The following PIF1 variants were observed in gnomAD, a reference collection of about 807,000 sequenced individuals.
PIF1 encodes the protein ATP-dependent DNA helicase PIF1.
Under a neutral mutation model 62.3 loss-of-function variants are expected in PIF1, and 67 were observed. The observed-to-expected ratio is 1.08, with a 90% CI of 0.88 to 1.32. PIF1 has a LOEUF of 1.32. PIF1 is among the 40% of genes most tolerant of loss of function. The pLI, the probability that PIF1 is intolerant of heterozygous loss-of-function variation, is 0.00. For missense variants in PIF1, 886 were observed against 866.1 expected, an observed-to-expected ratio of 1.02 and a Z score of -0.29; for synonymous variants, 364 against 379.5, an observed-to-expected ratio of 0.96 and a Z score of 0.47.
chr15:64,825,871 G>A (rs946543751), upstream of PIF1, among the ~76,000 whole-genome samples: 4 of 152,114 alleles, frequency 2.6e-5, no homozygotes, highest in South Asian at 2.1e-4. Context: ...GTGGTGGGAG[G>A]AGGCCGCCGC....
At chr15:64,817,396 A>AG (rs1180323142) in intron 11 of PIF1, among the ~76,000 whole-genome samples, 1 of 152,006 alleles carries the variant, frequency 6.6e-6, no homozygotes, top group Non-Finnish European at 1.5e-5. Flanking sequence ...AATACAAAAA[A>AG]TTAGCCAGGC....
upstream of PIF1, among the ~76,000 whole-genome samples, chr15:64,826,707 C>T (rs1205660848): frequency 2.1e-5 from 3 of 139,946 alleles, no homozygotes; most frequent in East Asian, 6.2e-4. Flanking sequence ...TATATACACA[C>T]ACATATATAT....
Position 64,820,165 on chromosome 15 carries a change from A to C in PIF1, c.1194-179T>G, listed in dbSNP as rs114884331. 817 of 699,322 alleles carry C rather than the reference A, an allele frequency of 1.2e-3. 5 individuals carry two copies. In the African/African-American group the frequency reaches 0.014, roughly 12 times the overall value. 43.3% of individuals were successfully genotyped at this position (699,322 alleles called of 1,614,324 possible). On this transcript the variant is annotated intron_variant, in intron 7 of 12. Transcript: ENST00000559239. Reference sequence around the variant, plus strand: ...CTGTCCCTTCCAAACTTGGACCCCAAACATGGGGAATAAGCAGGGGCAGGG... The same window carrying C: ...CTGTCCCTTCCAAACTTGGACCCCACACATGGGGAATAAGCAGGGGCAGGG...
At chr15:64,823,449 T>G in intron 2 of PIF1, 1 of 203,800 alleles carries the variant, frequency 4.9e-6, no homozygotes, top group Non-Finnish European at 9.8e-6. Context: ...GGTTTCACCA[T>G]GTTGGCCAGG....
At position 64,821,022 on chromosome 15, in the gene PIF1, G is replaced by A. The variant is rs751028624; in HGVS notation, c.1153C>T (p.Gln385Ter). The A allele has an allele frequency of 3.1e-6, 5 of 1,614,140 alleles. No homozygotes were observed. The Admixed American group carries it at 8.3e-5, about 27-fold the overall frequency. Residue 385 changes from glutamine (Q) to a stop codon, truncating the protein, a stop_gained, in exon 7 of 13, where the codon CAG (glutamine) becomes TAG (stop). Transcript: ENST00000559239. LOFTEE classifies it high-confidence loss of function. Reference sequence around the variant, plus strand: ...GCCTGCAGTAGAGAGATGAAGGTCTGGTCTGCCTGCCTCCACACCTTGGTC... The same window carrying A: ...GCCTGCAGTAGAGAGATGAAGGTCTAGTCTGCCTGCCTCCACACCTTGGTC... Reference protein sequence around the residue: ...ELTKVWRQADQTFISLLQAVR... With the variant: ...ELTKVWRQAD
upstream of PIF1, among the ~76,000 whole-genome samples, chr15:64,826,747 CAT>C (rs1368493045): frequency 5.0e-5 from 7 of 139,234 alleles, no homozygotes; most frequent in East Asian, 4.1e-4. Context: ...TATACACACA[CAT>C]ATATATATAT....
upstream of PIF1, among the ~76,000 whole-genome samples, chr15:64,826,265 G>A (rs1402224412): frequency 1.3e-5 from 2 of 152,074 alleles, no homozygotes; most frequent in East Asian, 3.9e-4. Context: ...TGTCTTCAGG[G>A]AAATTGTATC....
At chr15:64,825,467 G>A (rs1014273053) in intron 1 of PIF1, 102 bp downstream of exon 1, 37 of 152,046 alleles carry the variant, frequency 2.4e-4, no homozygotes, top group African/African-American at 8.2e-4. Flanking sequence ...GGAAATCGCG[G>A]GGGACCCTGG....
At chr15:64,822,771 T>C (rs954715498) in intron 2 of PIF1, among the ~76,000 whole-genome samples, 161 bp from the exon 3 acceptor site, 2 of 152,086 alleles carry the variant, frequency 1.3e-5, no homozygotes, top group Non-Finnish European at 2.9e-5. Context: ...CCAGCAACTA[T>C]TGGGGTCCCG....
chr15:64,816,596 C>T lies in PIF1; in HGVS notation c.1844G>A (p.Arg615Gln), dbSNP rs78139154. The T allele has an allele frequency of 2.8e-3, 4,542 of 1,613,678 alleles. 141 individuals are homozygous for T. In the African/African-American group the frequency reaches 0.055, roughly 19 times the overall value. The stretch of plus-strand genomic sequence containing the variant: ...TACCAGACTGAGGCTCCTGCCCCGC[C>T]GCAGGGTGGCATAGAAGTGCAGCAC... Reference protein sequence around the residue: ...PRVLHFYATLRRGRSLSLESP... With the variant: ...PRVLHFYATLQRGRSLSLESP... Residue 615 changes from arginine to glutamine, a missense_variant, in exon 12 of 13, where the codon CGG (arginine) becomes CAG (glutamine). Physicochemically the swap from Arg to Gln is conservative, Grantham distance 43. Transcript: ENST00000559239.
In PIF1 at chr15:64,820,863, G is replaced by A; in HGVS notation, c.1193+119C>T. 2 of 852,542 alleles carry A rather than the reference G, an allele frequency of 2.3e-6. 1 individual carries two copies. The highest frequency in any genetic ancestry group is 3.2e-5 in the South Asian group (2 of 63,000). 52.8% of individuals were successfully genotyped at this position (852,542 alleles called of 1,614,324 possible). A position where few individuals can be genotyped will look rare whatever the true frequency, so the allele number is the denominator to read the frequency against. On this transcript the variant is annotated intron_variant, in intron 7 of 12. Coordinates refer to ENST00000559239, the MANE Select transcript of PIF1 (RefSeq NM_001286496.2). ...CTGCCCAAGGCTCCTCTTCCTGCAT[G>A]GAGTGCTTGCTCCTGAGGGTAACAA...
chr15:64,816,825 G>T (rs563283030), intron 11 of PIF1, 60 bp from the exon 12 acceptor site: 1 of 1,469,908 alleles, frequency 6.8e-7, no homozygotes. Flanking sequence ...GCCCCGAAAG[G>T]CCTGACCCTT....
In PIF1 at chr15:64,820,584, A is replaced by G. The variant is rs547712039; in HGVS notation, c.1193+398T>C. On this transcript the variant is annotated intron_variant, in intron 7 of 12. Coordinates refer to ENST00000559239, the MANE Select transcript of PIF1 (RefSeq NM_001286496.2). ...GCTAATTTTTGTATTTTTAGTAGAG[A>G]CTGGGTTTCACCAGGTTGGCCAGGC... Among the ~76,000 whole-genome samples the G allele has an allele frequency of 2.0e-5, 3 of 152,166 alleles. No homozygotes were observed. The South Asian group carries it at 6.2e-4, about 32-fold the overall frequency.
At chr15:64,822,850 C>T (rs1386302450) in intron 2 of PIF1, among the ~76,000 whole-genome samples, 5 of 152,072 alleles carry the variant, frequency 3.3e-5, no homozygotes, top group Non-Finnish European at 7.4e-5. Context: ...TGGTCTACAC[C>T]CTCCCTTAGC....
rs1463808983 is a variant in PIF1 at position 64,824,086 on chromosome 15, C to T, written c.250G>A (p.Gly84Arg). Residue 84 changes from glycine (G) to arginine (R), a missense_variant, in exon 2 of 13, where the codon GGG becomes AGG. Transcript: ENST00000559239. ...GCGGGGAGCCGCAGGGTGCTGCGCC[C>T]GGCCTCGGCGAAACGCGTGAAGAGG... Reference protein sequence around the residue: ...ARLFTRFAEAGRSTLRLPAHD... With the variant: ...ARLFTRFAEARRSTLRLPAHD... 33 of 1,267,024 alleles carry T rather than the reference C, an allele frequency of 2.6e-5. No homozygotes were observed. The highest frequency in any genetic ancestry group is 3.1e-5 in the African/African-American group (2 of 64,238). 78.5% of individuals were successfully genotyped at this position (1,267,024 alleles called of 1,614,324 possible). A position where few individuals can be genotyped will look rare whatever the true frequency, so the allele number is the denominator to read the frequency against.
Position 64,819,155 on chromosome 15 carries a change from G to T in PIF1, c.1402C>A (p.Pro468Thr). Residue 468 changes from proline to threonine, a missense_variant, in exon 9 of 13, where the codon CCT (proline) becomes ACT (threonine). By Grantham distance (38) the Pro-to-Thr change is conservative. Transcript: ENST00000559239. Reference protein sequence around the residue: ...ELASTLDAQCPVSQLLQLKLG... With the variant: ...ELASTLDAQCTVSQLLQLKLG... ...TTTAGTTGAAGGAGCTGGCTAACAG[G>T]ACACTGGGCATCCAGGGTACTGGCC... 6.2e-7 allele frequency: 1 copy of T among 1,600,750 alleles called. No individual in the cohort carries two copies. Among genetic ancestry groups the T allele is most frequent in the Non-Finnish European group, 8.5e-7 (1 of 1,176,286 alleles).
chr15:64,817,835 G>A, intron 11 of PIF1, 111 bp downstream of exon 11: 9 of 1,298,780 alleles, frequency 6.9e-6, no homozygotes, highest in East Asian at 5.2e-5. Flanking sequence ...GCACTCCAGC[G>A]TGGGCGACAG....
upstream of PIF1, among the ~76,000 whole-genome samples, chr15:64,825,939 A>G (rs2084361114): frequency 6.6e-6 from 1 of 152,104 alleles, no homozygotes; most frequent in Non-Finnish European, 1.5e-5. Flanking sequence ...GCGACTCCGA[A>G]GATTTATTTT....
chr15:64,816,324 G>A lies in PIF1; in HGVS notation c.1900C>T (p.Gln634Ter). 1 of 1,614,062 alleles carries A rather than the reference G, an allele frequency of 6.2e-7. No homozygotes were observed. The highest frequency in any genetic ancestry group is 8.5e-7 in the Non-Finnish European group (1 of 1,180,006). The change falls in exon 13 of 13, where the codon CAG becomes TAG. Residue 634 changes from glutamine (Q) to a stop codon, truncating the protein, a stop_gained. Transcript: ENST00000559239. LOFTEE classifies it high-confidence loss of function. ...CAGAGGATTGGGTCCATGTTCTCCTGGTCTGAGGCTGCCTCATCATCATCT... is the reference window on the plus strand; with the variant it reads ...CAGAGGATTGGGTCCATGTTCTCCTAGTCTGAGGCTGCCTCATCATCATCT... ...SPDDDEAASDQENMDPIL is the reference protein window; with the variant it reads ...SPDDDEAASD
Sources: gnomAD v4.1 joint callset for allele counts (sites outside exome capture counted in the v4.1 genomes callset) on GRCh38, gnomAD v4.1.1 for gene constraint, MANE v1.5 for transcripts, NCBI Gene and HGNC (gene_info 2026-07-23, HGNC 2026-07-21) for gene names.